The following ZNF184 variants were observed in gnomAD, a reference collection of about 807,000 sequenced individuals.
ZNF184 encodes the protein zinc finger protein 184, also known as zinc finger protein 184 (Kruppel-like).
ZNF184 carries 16 observed loss-of-function variants against 54.4 expected under a neutral mutation model. The observed-to-expected ratio is 0.29, with a 90% CI of 0.20 to 0.45. The LOEUF (loss-of-function observed/expected upper bound fraction) is 0.45, where lower values mean the gene tolerates loss of function less well. Among genes scored for constraint, ZNF184 ranks in the 20% least tolerant of loss-of-function variants. The pLI is 1.00. For missense variants in ZNF184, 681 were observed against 888.2 expected (o/e 0.77, Z 2.97); for synonymous variants, 254 against 295.3 (o/e 0.86, Z 1.43).
At chr6:27,443,592 C>A in the ZNF184 span, among the ~76,000 whole-genome samples, 2 of 152,136 alleles carry the variant, frequency 1.3e-5, no homozygotes, top group Non-Finnish European at 2.9e-5. Flanking sequence ...ACAACCTAGA[C>A]CTTGTGGCAT....
Position 27,472,421 on chromosome 6 carries a change from G to A in ZNF184, c.-127C>T. 8.3e-7 allele frequency: 1 copy of A among 1,211,006 alleles called. No homozygotes were observed. Among genetic ancestry groups the A allele is most frequent in the East Asian group, 2.5e-5 (1 of 40,098 alleles). The allele number at this position is 1,211,006 out of a possible 1,614,324, so 75.0% of individuals were successfully genotyped here. On this transcript the variant is annotated 5_prime_UTR_variant, in exon 2 of 6. Transcript: ENST00000683788. This position sits in a 1 kb window ranked among gnomAD's most constrained non-coding sequence, Gnocchi z 4.8. ...CCTTGCAGGGAATCTGCAACACGCTGAGGTTGTCTACCCTAAAAGACACAG... is the reference window on the plus strand; with the variant it reads ...CCTTGCAGGGAATCTGCAACACGCTAAGGTTGTCTACCCTAAAAGACACAG...
chr6:27,440,705 A>G, the ZNF184 span, among the ~76,000 whole-genome samples: 1,453 of 152,264 alleles, frequency 9.5e-3, 19 homozygotes, highest in African/African-American at 0.025. Flanking sequence ...CACTGGGTGT[A>G]TAAAAGAGAA....
At chr6:27,439,660 T>C in the ZNF184 span, among the ~76,000 whole-genome samples, 1 of 152,248 alleles carries the variant, frequency 6.6e-6, no homozygotes, top group African/African-American at 2.4e-5. Context: ...GTAAGATATT[T>C]TGAGAGACCA....
At chr6:27,466,677 TA>T (rs57473109) in intron 3 of ZNF184, among the ~76,000 whole-genome samples, 98,536 of 150,476 alleles carry the variant, frequency 0.65, 32,340 homozygotes, top group Middle Eastern at 0.75. Flanking sequence ...ACCCCCCAAT[TA>T]AAAAAAAAAA....
the ZNF184 span, among the ~76,000 whole-genome samples, chr6:27,412,336 G>A: frequency 3.3e-5 from 5 of 152,168 alleles, no homozygotes; most frequent in Admixed American, 3.3e-4. Context: ...GGGTCAGCAC[G>A]CCTTCCCTAC....
intron 3 of ZNF184, among the ~76,000 whole-genome samples, chr6:27,462,203 A>ATTTTTT (rs916301155): frequency 1.2e-4 from 17 of 147,106 alleles, no homozygotes; most frequent in African/African-American, 4.2e-4. Context: ...AGGTTCAAGA[A>ATTTTTT]TTTTTTTTTT....
At chr6:27,470,291 A>G (rs1445119782) in intron 2 of ZNF184, among the ~76,000 whole-genome samples, 1 of 152,158 alleles carries the variant, frequency 6.6e-6, no homozygotes, top group East Asian at 1.9e-4. Flanking sequence ...AAAAAAACAA[A>G]AGTAGCACCA....
At chr6:27,409,477 C>A in the ZNF184 span, among the ~76,000 whole-genome samples, 6 of 123,704 alleles carry the variant, frequency 4.9e-5, no homozygotes, top group Admixed American at 2.1e-4. Context: ...CCAGCCTGGG[C>A]GACAGAGTGA....
the ZNF184 span, among the ~76,000 whole-genome samples, chr6:27,413,765 T>C: frequency 6.6e-6 from 1 of 152,218 alleles, no homozygotes; most frequent in African/African-American, 2.4e-5. Flanking sequence ...TAACTTGACT[T>C]ACATCTTCTG....
chr6:27,421,554 T>C, the ZNF184 span, among the ~76,000 whole-genome samples: 1 of 152,194 alleles, frequency 6.6e-6, no homozygotes, highest in Non-Finnish European at 1.5e-5. Context: ...CACGTACAGA[T>C]ATATGACGCT....
At chr6:27,435,226 T>C in the ZNF184 span, among the ~76,000 whole-genome samples, 1 of 152,226 alleles carries the variant, frequency 6.6e-6, no homozygotes, top group Non-Finnish European at 1.5e-5. Context: ...ACATTGAATC[T>C]GTTGGTTGCT....
the ZNF184 span, among the ~76,000 whole-genome samples, chr6:27,443,528 C>G: frequency 7.2e-5 from 11 of 152,308 alleles, no homozygotes; most frequent in African/African-American, 2.6e-4. Context: ...TTGCCTTCCT[C>G]TCTTCCAATG....
intron 3 of ZNF184, among the ~76,000 whole-genome samples, chr6:27,463,270 T>TATA (rs1283599478): frequency 6.8e-6 from 1 of 147,220 alleles, no homozygotes; most frequent in Non-Finnish European, 1.5e-5. Context: ...AAACTTAAAG[T>TATA]ATAATAATAA....
chr6:27,472,431 AC>A lies in ZNF184; in HGVS notation c.-138del. On this transcript the variant is annotated splice_region_variant and 5_prime_UTR_variant, in exon 2 of 6. Coordinates refer to ENST00000683788, the MANE Select transcript of ZNF184 (RefSeq NM_001318891.2). This position sits in a 1 kb window ranked among gnomAD's most constrained non-coding sequence, Gnocchi z 4.8. ...AATCTGCAACACGCTGAGGTTGTCT[AC>A]CCTAAAAGACACAGGATGGCGTCAG... 1 of 1,047,664 alleles carries A rather than the reference AC, an allele frequency of 9.5e-7. No homozygotes were observed. The highest frequency in any genetic ancestry group is 2.6e-5 in the East Asian group (1 of 38,558). The allele number at this position is 1,047,664 out of a possible 1,614,324, so 64.9% of individuals were successfully genotyped here.
At chr6:27,426,540 A>G in the ZNF184 span, among the ~76,000 whole-genome samples, 6 of 152,032 alleles carry the variant, frequency 3.9e-5, no homozygotes, top group African/African-American at 1.5e-4. This position sits in a 1 kb window ranked among gnomAD's most constrained non-coding sequence, Gnocchi z 4.2. Context: ...CAGAGATACC[A>G]TTTCTTTCTG....
chr6:27,407,466 A>G, the ZNF184 span, among the ~76,000 whole-genome samples: 1 of 152,144 alleles, frequency 6.6e-6, no homozygotes, highest in African/African-American at 2.4e-5. Context: ...TCTTCCTTAC[A>G]GGGGCCAGTA....
chr6:27,455,644 C>G (rs1762834704), intron 5 of ZNF184, among the ~76,000 whole-genome samples: 1 of 151,668 alleles, frequency 6.6e-6, no homozygotes, highest in Non-Finnish European at 1.5e-5. Context: ...TTGTTGGAGG[C>G]AGGGCGGGGG....
Position 27,452,984 on chromosome 6 carries a change from T to G in ZNF184, c.575A>C (p.Asn192Thr). Reference sequence around the variant, plus strand: ...TGGAGATGGTTCTTGTGTTACAAGGTTTGAACTCACATTGACACTTTTCCC... The same window carrying G: ...TGGAGATGGTTCTTGTGTTACAAGGGTTGAACTCACATTGACACTTTTCCC... ...EFGKSVNVSS[N>T]LVTQEPSPEE... Residue 192 changes from asparagine to threonine, a missense_variant, in exon 6 of 6, where the codon AAC becomes ACC. Physicochemically the swap from Asn to Thr is moderately conservative, Grantham distance 65 (BLOSUM62 0). Coordinates refer to ENST00000683788, the MANE Select transcript of ZNF184 (RefSeq NM_001318891.2). The surrounding 1 kb of genome is among the most constrained non-coding windows in gnomAD (Gnocchi z 5.5). 1.2e-6 allele frequency: 2 copies of G among 1,614,176 alleles called. No homozygotes were observed. The highest frequency in any genetic ancestry group is 4.5e-5 in the East Asian group (2 of 44,876).
chr6:27,418,916 G>A, the ZNF184 span, among the ~76,000 whole-genome samples: 7 of 151,770 alleles, frequency 4.6e-5, no homozygotes, highest in African/African-American at 9.7e-5. Context: ...GTCTCATGGT[G>A]TCTTCCCTAC....
Sources: allele counts gnomAD v4.1 joint callset (sites outside exome capture counted in the v4.1 genomes callset), GRCh38; gene constraint gnomAD v4.1.1; non-coding constraint Gnocchi (gnomAD v3.1); transcripts MANE v1.5; gene names NCBI Gene and HGNC (gene_info 2026-07-23, HGNC 2026-07-21).